The following NRXN1 variants were observed in gnomAD, a reference collection of about 807,000 sequenced individuals.
NRXN1 encodes the protein neurexin-1.
Under a neutral mutation model 150.9 loss-of-function variants are expected in NRXN1, and 39 were observed. The ratio of observed to expected loss-of-function variants is 0.26; its 90% CI spans 0.20 to 0.34. The LOEUF is 0.34. Among genes scored for constraint, NRXN1 ranks in the 10% least tolerant of loss-of-function variants. NRXN1 has a pLI of 1.00. For synonymous variants in NRXN1, 924 were observed against 757.0 expected (o/e 1.22, Z -3.62); for missense variants, 1,815 against 1,949.9 (o/e 0.93, Z 1.30).
chr2:50,736,456 A>G (rs184574773), intron 5 of NRXN1, among the ~76,000 whole-genome samples: 1 of 152,218 alleles, frequency 6.6e-6, no homozygotes, highest in Non-Finnish European at 1.5e-5. Context: ...GGATAGTGAT[A>G]TGGCTTGGCT....
intron 17 of NRXN1, among the ~76,000 whole-genome samples, chr2:50,371,224 C>T (rs1205586034): frequency 6.6e-6 from 1 of 151,908 alleles, no homozygotes; most frequent in African/African-American, 2.4e-5. Context: ...CCACACAAAC[C>T]TTCTGTGCTT....
chr2:50,809,805 G>C (rs1320835505), intron 5 of NRXN1, among the ~76,000 whole-genome samples: 4 of 152,104 alleles, frequency 2.6e-5, no homozygotes, highest in African/African-American at 9.7e-5. Flanking sequence ...GATGGCAATG[G>C]TTTGAGTTCA....
chr2:50,949,675 T>G (rs1382710210), intron 2 of NRXN1, among the ~76,000 whole-genome samples: 1 of 152,082 alleles, frequency 6.6e-6, no homozygotes, highest in African/African-American at 2.4e-5. Flanking sequence ...TCCCAGGAGC[T>G]TCTTATTGTT....
At chr2:50,057,773 T>C (rs12053096) in intron 19 of NRXN1, among the ~76,000 whole-genome samples, 49,991 of 152,046 alleles carry the variant, frequency 0.33, 8,683 homozygotes, top group Non-Finnish European at 0.38. Context: ...CAAATACTAG[T>C]GTCCAGAGAA....
intron 2 of NRXN1, among the ~76,000 whole-genome samples, chr2:50,939,091 G>T (rs1300852459): frequency 6.6e-6 from 1 of 151,080 alleles, no homozygotes; most frequent in African/African-American, 2.4e-5. Flanking sequence ...GACACCTGTA[G>T]TCCCAGCTAC....
At chr2:50,605,800 CA>C (rs147946249) in intron 8 of NRXN1, among the ~76,000 whole-genome samples, 37,814 of 147,862 alleles carry the variant, frequency 0.26, 4,693 homozygotes, top group Admixed American at 0.31. Context: ...AATATTCAGC[CA>C]AAAAAAAAAT....
At chr2:50,899,915 A>C (rs1208026812) in intron 5 of NRXN1, among the ~76,000 whole-genome samples, 5 of 152,218 alleles carry the variant, frequency 3.3e-5, no homozygotes, top group Non-Finnish European at 7.3e-5. Context: ...GCAGTTTATT[A>C]GACGTCATGG....
At chr2:51,001,167 G>C (rs961938861) in intron 2 of NRXN1, among the ~76,000 whole-genome samples, 1 of 132,052 alleles carries the variant, frequency 7.6e-6, no homozygotes, top group Non-Finnish European at 1.6e-5. Flanking sequence ...ACACAGTAAA[G>C]CTCAAATCGA....
At chr2:50,644,820 A>G (rs1328033064) in intron 5 of NRXN1, among the ~76,000 whole-genome samples, 1 of 148,528 alleles carries the variant, frequency 6.7e-6, no homozygotes, top group Non-Finnish European at 1.5e-5. Flanking sequence ...ATATATGAAT[A>G]TAAACATTCA....
chr2:50,655,040 G>C (rs1440488267), intron 5 of NRXN1, among the ~76,000 whole-genome samples: 2 of 151,946 alleles, frequency 1.3e-5, no homozygotes, highest in African/African-American at 4.8e-5. Flanking sequence ...GTCAGATCTT[G>C]ATGTAAAATA....
intron 17 of NRXN1, among the ~76,000 whole-genome samples, chr2:50,356,761 T>C (rs1430480938): frequency 6.6e-6 from 1 of 152,178 alleles, no homozygotes; most frequent in East Asian, 1.9e-4. Context: ...TCATTAGACA[T>C]ATGGTGTGGT....
chr2:50,520,876 T>C (rs1227584423), intron 12 of NRXN1, among the ~76,000 whole-genome samples: 1 of 152,066 alleles, frequency 6.6e-6, no homozygotes, highest in Non-Finnish European at 1.5e-5. Flanking sequence ...GATTTAAAAA[T>C]TTCTTTTTTA....
intron 17 of NRXN1, among the ~76,000 whole-genome samples, chr2:50,450,268 T>G (rs950939173): frequency 7.2e-5 from 11 of 152,130 alleles, no homozygotes; most frequent in Non-Finnish European, 1.5e-5. Context: ...CAATTGTGCC[T>G]TTCCTCTCTT....
At chr2:50,573,626 T>C (rs1670980292) in intron 8 of NRXN1, among the ~76,000 whole-genome samples, 1 of 152,018 alleles carries the variant, frequency 6.6e-6, no homozygotes, top group African/African-American at 2.4e-5. Context: ...TGAAACAGCA[T>C]CTCATTGGGG....
At chr2:50,368,852 C>T (rs116421615) in intron 17 of NRXN1, among the ~76,000 whole-genome samples, 2,519 of 152,094 alleles carry the variant, frequency 0.017, 87 homozygotes, top group African/African-American at 0.058. Flanking sequence ...GGGTTTGGAA[C>T]TAACCTACAT....
chr2:50,237,039 A>T, intron 17 of NRXN1, 69 bp from the exon 18 acceptor site: 1 of 1,425,570 alleles, frequency 7.0e-7, no homozygotes, highest in Non-Finnish European at 9.9e-7. Flanking sequence ...GGCATGTTAT[A>T]TTGATATATC....
intron 5 of NRXN1, among the ~76,000 whole-genome samples, chr2:50,903,645 A>T (rs1439453419): frequency 6.6e-6 from 1 of 152,174 alleles, no homozygotes; most frequent in Non-Finnish European, 1.5e-5. Flanking sequence ...GCTTACTTGT[A>T]TCTTCTCCTA....
intron 8 of NRXN1, chr2:50,616,226 A>T (rs1373622025): frequency 6.6e-6 from 1 of 152,188 alleles, no homozygotes; most frequent in East Asian, 1.9e-4. Flanking sequence ...GGCCATTCAA[A>T]GTTCCTTGTC....
intron 5 of NRXN1, among the ~76,000 whole-genome samples, chr2:50,690,010 G>T (rs1221185312): frequency 6.6e-6 from 1 of 151,754 alleles, no homozygotes; most frequent in Non-Finnish European, 1.5e-5. Flanking sequence ...CCTCAGCCCT[G>T]GGAGTAGGTG....
Sources: gnomAD v4.1 joint callset for allele counts (sites outside exome capture counted in the v4.1 genomes callset) on GRCh38, gnomAD v4.1.1 for gene constraint, MANE v1.5 for transcripts, NCBI Gene and HGNC (gene_info 2026-07-23, HGNC 2026-07-21) for gene names.